Variants in EIF4G3 observed in about 807,000 individuals in gnomAD.
EIF4G3 encodes the protein eukaryotic translation initiation factor 4 gamma 3.
Under a neutral mutation model 186.4 loss-of-function variants are expected in EIF4G3, and 34 were observed. The observed-to-expected ratio is 0.18, with a 90% CI of 0.14 to 0.24. The LOEUF is 0.24. Among genes scored for constraint, EIF4G3 ranks in the 10% least tolerant of loss-of-function variants. The pLI, the probability that EIF4G3 is intolerant of heterozygous loss-of-function variation, is 1.00. For synonymous variants in EIF4G3, 673 were observed against 679.5 expected, an observed-to-expected ratio of 0.99 and a Z score of 0.15; for missense variants, 1,536 against 1,948.5, an observed-to-expected ratio of 0.79 and a Z score of 3.99.
At position 21,111,014 on chromosome 1, in the gene EIF4G3, T is replaced by G. The variant is rs1266349966; in HGVS notation, c.-271-21801A>C. 3.9e-5 allele frequency among the ~76,000 whole-genome samples: 6 copies of G among 152,238 alleles called. No individual in the cohort carries two copies. The East Asian group carries it at 1.2e-3, about 29-fold the overall frequency. On this transcript the variant is annotated intron_variant, in intron 2 of 36. Coordinates refer to ENST00000602326, the MANE Select transcript of EIF4G3 (RefSeq NM_001391906.1). ...GAAGAACATAAAACACTAATACAAG[T>G]AGTTCATCTAAGACTGTACTTTGAA...
At chr1:20,855,345 G>T (rs1182832867) in intron 25 of EIF4G3, among the ~76,000 whole-genome samples, 3 of 152,104 alleles carry the variant, frequency 2.0e-5, no homozygotes, top group Non-Finnish European at 4.4e-5. Flanking sequence ...TTATGAATTT[G>T]CTAACTGTAA....
intron 2 of EIF4G3, among the ~76,000 whole-genome samples, chr1:21,130,113 A>T (rs2097125740): frequency 6.6e-6 from 1 of 152,002 alleles, no homozygotes; most frequent in Non-Finnish European, 1.5e-5. Context: ...AGCTAGAGCC[A>T]AGTGCAGTGG....
At chr1:20,815,714 G>C (rs1215868233) in intron 34 of EIF4G3, among the ~76,000 whole-genome samples, 2 of 136,532 alleles carry the variant, frequency 1.5e-5, no homozygotes, top group African/African-American at 2.8e-5. Context: ...TCCTCTGCCC[G>C]GCCGCCCCTA....
intron 15 of EIF4G3, among the ~76,000 whole-genome samples, 183 bp from the exon 16 acceptor site, chr1:20,900,126 TAGGAAA>T (rs1189020116): frequency 6.6e-6 from 1 of 152,156 alleles, no homozygotes; most frequent in South Asian, 2.1e-4. Flanking sequence ...TTTCAGCACC[TAGGAAA>T]AGGAAGACCA....
intron 4 of EIF4G3, among the ~76,000 whole-genome samples, chr1:21,018,106 T>TAA (rs77494925): frequency 1.4e-5 from 2 of 141,598 alleles, no homozygotes; most frequent in Non-Finnish European, 3.1e-5. Context: ...GCCCAGTAAT[T>TAA]AAAAAAAAAA....
intron 14 of EIF4G3, among the ~76,000 whole-genome samples, chr1:20,916,774 G>GA (rs1451701780): frequency 6.6e-6 from 1 of 151,840 alleles, no homozygotes; most frequent in Non-Finnish European, 1.5e-5. Context: ...CGGATCAATT[G>GA]AAAAAAATAG....
At chr1:20,895,307 T>C (rs1382975513) in intron 17 of EIF4G3, 61 bp downstream of exon 17, 12 of 1,552,406 alleles carry the variant, frequency 7.7e-6, no homozygotes, top group Middle Eastern at 1.7e-4. Flanking sequence ...ACATATTTGC[T>C]CTTATAGTTA....
intron 7 of EIF4G3, among the ~76,000 whole-genome samples, chr1:20,991,568 A>G (rs1475553852): frequency 3.6e-5 from 4 of 112,640 alleles, no homozygotes; most frequent in African/African-American, 5.8e-5. Context: ...ACTCTGTCTC[A>G]TAAAAAAAAA....
At chr1:20,956,540 G>C (rs1163825356) in intron 12 of EIF4G3, among the ~76,000 whole-genome samples, 1 of 139,318 alleles carries the variant, frequency 7.2e-6, no homozygotes, top group East Asian at 2.4e-4. Flanking sequence ...TGACTGTGGA[G>C]AGTGAAATTA....
At chr1:21,090,190 AC>A (rs1415120383) in intron 2 of EIF4G3, among the ~76,000 whole-genome samples, 1 of 152,240 alleles carries the variant, frequency 6.6e-6, no homozygotes, top group Non-Finnish European at 1.5e-5. Flanking sequence ...GGTATGCAAT[AC>A]TGAATTAAGA....
chr1:21,062,340 A>G (rs2094959963), intron 3 of EIF4G3, among the ~76,000 whole-genome samples: 1 of 151,904 alleles, frequency 6.6e-6, no homozygotes, highest in South Asian at 2.1e-4. Context: ...GATTACAGGC[A>G]TGAGCCACTA....
chr1:21,153,261 T>G (rs2097579526), intron 2 of EIF4G3, among the ~76,000 whole-genome samples: 1 of 152,168 alleles, frequency 6.6e-6, no homozygotes, highest in Non-Finnish European at 1.5e-5. Context: ...TCAAAGACTC[T>G]TAGACAGACA....
chr1:21,053,928 G>A (rs1021795091), intron 3 of EIF4G3, among the ~76,000 whole-genome samples: 10 of 152,036 alleles, frequency 6.6e-5, no homozygotes, highest in Non-Finnish European at 1.0e-4. Flanking sequence ...ACTGGGAAGT[G>A]AGGAGCCCCT....
In EIF4G3 at chr1:21,132,387, T is replaced by C. The variant is rs75393493; in HGVS notation, c.-271-43174A>G. Among the ~76,000 whole-genome samples, 858 of 152,254 alleles carry C rather than the reference T, an allele frequency of 5.6e-3. 3 individuals are homozygous for C. Among genetic ancestry groups the C allele is most frequent in the Non-Finnish European group, 9.6e-3 (656 of 68,008 alleles). On this transcript the variant is annotated intron_variant, in intron 2 of 36. Coordinates refer to ENST00000602326, the MANE Select transcript of EIF4G3 (RefSeq NM_001391906.1). ...ATTAAATAAGCCTAGGAAAAAATGC[T>C]GAATTAAAAAAAGAAAAGGTTCTTT...
chr1:20,853,416 T>C (rs981984432), intron 27 of EIF4G3, 144 bp downstream of exon 27: 4 of 554,768 alleles, frequency 7.2e-6, no homozygotes, highest in Admixed American at 3.1e-5. Context: ...TTAGAAATTA[T>C]AGTGTGTGAA....
chr1:21,167,092 G>A (rs76337386), intron 2 of EIF4G3, among the ~76,000 whole-genome samples: 15,282 of 152,002 alleles, frequency 0.1, 1,000 homozygotes, highest in East Asian at 0.26. Context: ...CAAGTTCTCC[G>A]ACCAAGTTCT....
chr1:20,826,519 C>T (rs2063699198), intron 32 of EIF4G3, among the ~76,000 whole-genome samples: 1 of 97,204 alleles, frequency 1.0e-5, no homozygotes, highest in Non-Finnish European at 1.8e-5. Flanking sequence ...GAGACAGAGT[C>T]TTGCTCTGTT....
At chr1:20,870,001 A>G (rs2078750712) in intron 20 of EIF4G3, among the ~76,000 whole-genome samples, 1 of 152,158 alleles carries the variant, frequency 6.6e-6, no homozygotes, top group Admixed American at 6.5e-5. Flanking sequence ...CTGAAGAGGT[A>G]TAGTGTTAAA....
At chr1:21,010,285 T>A (rs2086603792) in intron 4 of EIF4G3, among the ~76,000 whole-genome samples, 1 of 151,908 alleles carries the variant, frequency 6.6e-6, no homozygotes, top group African/African-American at 2.4e-5. Context: ...CCAGGCATGG[T>A]GGCTTGCGCC....
Sources: gnomAD v4.1 joint callset for allele counts (sites outside exome capture counted in the v4.1 genomes callset) on GRCh38, gnomAD v4.1.1 for gene constraint, MANE v1.5 for transcripts, NCBI Gene and HGNC (gene_info 2026-07-23, HGNC 2026-07-21) for gene names.